Variants in SYTL2 observed in about 807,000 individuals in gnomAD.
SYTL2 encodes synaptotagmin-like protein 2.
Under a neutral mutation model 198.7 loss-of-function variants are expected in SYTL2, and 165 were observed. The ratio of observed to expected loss-of-function variants is 0.83; its 90% CI spans 0.73 to 0.94. The LOEUF (loss-of-function observed/expected upper bound fraction) is 0.94, where lower values mean the gene tolerates loss of function less well. Among genes scored for constraint, SYTL2 ranks in the 40% least tolerant of loss-of-function variants. The pLI is 0.00. For synonymous variants in SYTL2, 966 were observed against 917.7 expected (o/e 1.05, Z -0.95); for missense variants, 2,835 against 2,582.8 (o/e 1.10, Z -2.12).
At chr11:85,723,987 C>T (rs1565918087) in intron 8 of SYTL2, 45 bp downstream of exon 8, 1 of 1,163,772 alleles carries the variant, frequency 8.6e-7, no homozygotes. Flanking sequence ...CATCAGCATT[C>T]CATAAAGCAG....
intron 17 of SYTL2, among the ~76,000 whole-genome samples, chr11:85,699,021 C>T (rs1157534575): frequency 6.6e-6 from 1 of 152,160 alleles, no homozygotes; most frequent in Non-Finnish European, 1.5e-5. Context: ...CCAAACAGTA[C>T]TTAGTGAGGA....
chr11:85,759,053 T>A (rs545856614), intron 1 of SYTL2, among the ~76,000 whole-genome samples: 2 of 152,226 alleles, frequency 1.3e-5, no homozygotes, highest in African/African-American at 4.8e-5. Flanking sequence ...GAGACCAGCC[T>A]GACCAACATG....
Position 85,792,163 on chromosome 11 carries a change from T to G in SYTL2, c.-390+18791A>C, listed in dbSNP as rs536112246. On this transcript the variant is annotated intron_variant, in intron 1 of 19. Coordinates refer to ENST00000359152, the MANE Select transcript of SYTL2 (RefSeq NM_206927.4). ...CTATTGCTCTGTAGGAGGTCAGACT[T>G]TGAATCACTGAAGAGGACATGACTT... is the stretch of plus-strand genomic sequence containing the variant. Among the ~76,000 whole-genome samples, 166 of 152,124 alleles carry G rather than the reference T, an allele frequency of 1.1e-3. 1 individual carries two copies. Among genetic ancestry groups the G allele is most frequent in the Middle Eastern group, 6.8e-3 (2 of 294 alleles).
At chr11:85,746,371 C>A (rs1472631393) in intron 3 of SYTL2, among the ~76,000 whole-genome samples, 2 of 152,190 alleles carry the variant, frequency 1.3e-5, no homozygotes, top group African/African-American at 2.4e-5. Context: ...AAAATAACCT[C>A]TTTTGCCTCT....
chr11:85,696,457 A>C, intron 18 of SYTL2, 69 bp from the exon 19 acceptor site: 2 of 1,210,742 alleles, frequency 1.7e-6, no homozygotes, highest in Non-Finnish European at 2.4e-6. Context: ...TCAATACATA[A>C]CAACACAGCT....
the SYTL2 span, among the ~76,000 whole-genome samples, chr11:85,846,222 CT>C: frequency 8.5e-5 from 13 of 152,266 alleles, no homozygotes; most frequent in African/African-American, 3.1e-4. Context: ...CTGGCTTCCT[CT>C]AGAGCAAGTA....
intron 2 of SYTL2, among the ~76,000 whole-genome samples, chr11:85,752,940 AAAAAAAAAAAAC>A (rs1488340927): frequency 3.2e-4 from 46 of 143,832 alleles, no homozygotes; most frequent in African/African-American, 1.1e-3. Flanking sequence ...AAAAAAAAAA[AAAAAAAAAAAAC>A]ACAACTAGGT....
chr11:85,843,889 T>C, the SYTL2 span, among the ~76,000 whole-genome samples: 10 of 152,150 alleles, frequency 6.6e-5, no homozygotes, highest in African/African-American at 2.2e-4. Flanking sequence ...ACACAACTAG[T>C]AAGCAGCTTC....
At chr11:85,710,539 C>T (rs866387039) in intron 13 of SYTL2, among the ~76,000 whole-genome samples, 1 of 152,174 alleles carries the variant, frequency 6.6e-6, no homozygotes, top group Non-Finnish European at 1.5e-5. Flanking sequence ...TACATACATA[C>T]TACATGCACA....
chr11:85,751,448 A>G (rs940704856), intron 2 of SYTL2, among the ~76,000 whole-genome samples: 13 of 152,292 alleles, frequency 8.5e-5, no homozygotes, highest in Middle Eastern at 3.4e-3. Context: ...TTATCGTACC[A>G]TCTAGATGAA....
chr11:85,727,810 A>C lies in SYTL2; in HGVS notation c.1548T>G (p.Asp516Glu). The C allele has an allele frequency of 6.2e-7, 1 of 1,607,054 alleles. No individual in the cohort carries two copies. Among genetic ancestry groups the C allele is most frequent in the South Asian group, 1.1e-5 (1 of 89,664 alleles). ...AGTCTAGAACTTTAAATATGGAATC[A>C]TCAGTTGACTTCTTTATCTCAGTGG... ...PYATEIKKST[D>E]DSIFKVLDWF... Residue 516 changes from aspartate to glutamate, a missense_variant, in exon 8 of 20, where the codon GAT (aspartate) becomes GAG (glutamate). Asp to Glu is a conservative substitution (Grantham distance 45). Around this residue, in one of 3 missense-constraint regions of SYTL2, gnomAD observed 2,645 missense variants for 2,381.7 expected, o/e 1.11. Transcript: ENST00000359152.
At chr11:85,734,771 A>T (rs771197198) in intron 6 of SYTL2, 29 bp from the exon 7 acceptor site, 1 of 1,493,376 alleles carries the variant, frequency 6.7e-7, no homozygotes, top group African/African-American at 1.4e-5. Context: ...TAGGTGATAT[A>T]TCATATAGAG....
In SYTL2 at chr11:85,743,224, A is replaced by G. The variant is rs117707644; in HGVS notation, c.389+2413T>C. ...GTACAGGCCCCAAAATACACTTAAC[A>G]CACCCAGTTCACAAAGGTTAAAGTA... is the stretch of plus-strand genomic sequence containing the variant. On this transcript the variant is annotated intron_variant, in intron 4 of 19. Coordinates refer to ENST00000359152, the MANE Select transcript of SYTL2 (RefSeq NM_206927.4). Among the ~76,000 whole-genome samples, 565 of 152,296 alleles carry G rather than the reference A, an allele frequency of 3.7e-3. 4 individuals carry two copies. The highest frequency in any genetic ancestry group is 5.9e-3 in the Non-Finnish European group (403 of 68,002).
At chr11:85,731,970 T>C (rs2089874115) in intron 7 of SYTL2, among the ~76,000 whole-genome samples, 1 of 152,222 alleles carries the variant, frequency 6.6e-6, no homozygotes, top group Non-Finnish European at 1.5e-5. Context: ...AAGATATTTA[T>C]GCAGCCAACA....
chr11:85,748,139 T>C (rs2153526825), intron 3 of SYTL2, 133 bp downstream of exon 3: 2 of 1,056,016 alleles, frequency 1.9e-6, no homozygotes, highest in Non-Finnish European at 1.4e-6. Context: ...AAATTTAAAC[T>C]AGAGGGCCAC....
Position 85,724,504 on chromosome 11 carries a change from G to A in SYTL2, c.4854C>T (p.Thr1618=). 1 of 1,613,866 alleles carries A rather than the reference G, an allele frequency of 6.2e-7. No homozygotes were observed. Among genetic ancestry groups the A allele is most frequent in the Non-Finnish European group, 8.5e-7 (1 of 1,179,998 alleles). The change falls in exon 8 of 20, where the codon ACC becomes ACT. Residue 1618 remains threonine, a synonymous_variant. Coordinates refer to ENST00000359152, the MANE Select transcript of SYTL2 (RefSeq NM_206927.4). ...VPHFYRAASQ[T]SEMKDKSNGL... ...CATTACTTTTATCCTTCATTTCAGA[G>A]GTCTGTGAGGCTGCCCTGTAAAAAT...
Position 85,727,308 on chromosome 11 carries a change from G to A in SYTL2, c.2050C>T (p.Pro684Ser), listed in dbSNP as rs1478028267. The change falls in exon 8 of 20, where the codon CCA becomes TCA. Residue 684 changes from proline to serine, a missense_variant. Transcript: ENST00000359152. The part of the protein sequence containing the change: ...LKESDAENQV[P>S]CNTNNIGNLG... ...TTGCCAATATTATTAGTGTTGCATG[G>A]AACTTGGTTTTCTGCATCAGATTCC... 1.1e-5 allele frequency: 17 copies of A among 1,535,748 alleles called. No individual in the cohort carries two copies. The highest frequency in any genetic ancestry group is 1.4e-5 in the Non-Finnish European group (16 of 1,146,832).
intron 1 of SYTL2, among the ~76,000 whole-genome samples, chr11:85,800,029 T>G (rs1230304240): frequency 6.6e-6 from 1 of 152,176 alleles, no homozygotes; most frequent in Non-Finnish European, 1.5e-5. Flanking sequence ...CATACCATAC[T>G]TAAGTATTAA....
In SYTL2 at chr11:85,727,023, CCT is replaced by C; in HGVS notation, c.2333_2334del (p.Glu778GlyfsTer16). The C allele has an allele frequency of 6.5e-7, 1 of 1,536,496 alleles. No individual in the cohort carries two copies. The highest frequency in any genetic ancestry group is 8.7e-7 in the Non-Finnish European group (1 of 1,146,974). On this transcript the variant is annotated frameshift_variant, in exon 8 of 20. Transcript: ENST00000359152. LOFTEE classifies it high-confidence loss of function. ...TCTCTCTGCACTTGGTTCTTGGGAA[CCT>C]CACCAGCTTCTTGCTGGAATTGGAC... ...PEVQFQQEAG[E>X]VPKNQVQREK...
Sources: gnomAD v4.1 joint callset for allele counts (sites outside exome capture counted in the v4.1 genomes callset) on GRCh38, gnomAD v4.1.1 for gene constraint, gnomAD v4.1.1 regional missense constraint, MANE v1.5 for transcripts, NCBI Gene and HGNC (gene_info 2026-07-23, HGNC 2026-07-21) for gene names.